Variants in POU6F2 observed in about 807,000 individuals in gnomAD.
The protein encoded by POU6F2 is POU domain, class 6, transcription factor 2.
In POU6F2, 31 loss-of-function variants were observed where a neutral mutation model predicts 71.3. The observed-to-expected ratio is 0.43, with a 90% CI of 0.33 to 0.59. The LOEUF is 0.59. Among genes scored for constraint, POU6F2 ranks in the 20% least tolerant of loss-of-function variants. POU6F2 has a pLI of 0.04. For synonymous variants in POU6F2, 347 were observed against 355.7 expected (o/e 0.98, Z 0.27); for missense variants, 783 against 856.8 (o/e 0.91, Z 1.07).
rs398066804 is a variant in POU6F2, at chr7:39,334,513, T to TAA, written c.599-5118_599-5117dup. Among the ~76,000 whole-genome samples the TAA allele has an allele frequency of 3.5e-3, 509 of 143,890 alleles. 3 individuals are homozygous for TAA. Among genetic ancestry groups the TAA allele is most frequent in the Middle Eastern group, 0.014 (4 of 278 alleles). 94.4% of individuals were successfully genotyped at this position (143,890 alleles called of 152,430 possible). A position where few individuals can be genotyped will look rare whatever the true frequency, so the allele number is the denominator to read the frequency against. On this transcript the variant is annotated intron_variant, in intron 4 of 9. Transcript: ENST00000518318. The stretch of plus-strand genomic sequence containing the variant: ...CTCCTGAATCTAAAATTTGAAAAAT[T>TAA]AAAAAAAAAAAAGAATAAAGGCAGA...
At chr7:39,082,794 GCACACACACACACACACACA>G (rs35710081) in intron 1 of POU6F2, among the ~76,000 whole-genome samples, 7 of 137,076 alleles carry the variant, frequency 5.1e-5, no homozygotes, top group African/African-American at 1.1e-4. Flanking sequence ...ACCATGTCAT[GCACACACACACACACACACA>G]CACACACACA....
chr7:39,425,229 A>G (rs560712579), intron 6 of POU6F2, among the ~76,000 whole-genome samples: 1 of 151,940 alleles, frequency 6.6e-6, no homozygotes, highest in Non-Finnish European at 1.5e-5. Flanking sequence ...ACAGGCAAAC[A>G]TACTAGATTA....
At chr7:39,091,346 C>T (rs1214263042) in intron 2 of POU6F2, among the ~76,000 whole-genome samples, 1 of 152,088 alleles carries the variant, frequency 6.6e-6, no homozygotes, top group Non-Finnish European at 1.5e-5. Flanking sequence ...CAGGCCAGGC[C>T]TCTGTTTAAA....
intron 1 of POU6F2, among the ~76,000 whole-genome samples, chr7:39,026,476 C>G (rs1789803437): frequency 6.6e-6 from 1 of 152,056 alleles, no homozygotes; most frequent in Non-Finnish European, 1.5e-5. Context: ...TGGAAATCAT[C>G]ATTCTCAGTA....
chr7:39,307,690 G>C (rs1053166148), intron 4 of POU6F2, among the ~76,000 whole-genome samples: 1 of 152,150 alleles, frequency 6.6e-6, no homozygotes, highest in Non-Finnish European at 1.5e-5. Context: ...AAAGTTACAA[G>C]ATTTAGACCA....
At chr7:39,196,651 C>T (rs1793792078) in intron 2 of POU6F2, among the ~76,000 whole-genome samples, 2 of 151,818 alleles carry the variant, frequency 1.3e-5, no homozygotes, top group African/African-American at 4.8e-5. Flanking sequence ...TCCAGCTACT[C>T]AGGAGGCTGA....
At chr7:39,150,688 G>T (rs528948508) in intron 2 of POU6F2, among the ~76,000 whole-genome samples, 19 of 151,528 alleles carry the variant, frequency 1.3e-4, no homozygotes, top group Non-Finnish European at 2.5e-4. Context: ...GGCTGGTCTC[G>T]AACTCCTGAC....
chr7:39,166,404 C>T (rs776726453), intron 2 of POU6F2, among the ~76,000 whole-genome samples: 11 of 152,176 alleles, frequency 7.2e-5, no homozygotes, highest in Non-Finnish European at 1.5e-4. Context: ...CTAGTATCTC[C>T]CAACCTTATT....
intron 5 of POU6F2, among the ~76,000 whole-genome samples, chr7:39,349,399 G>C (rs1026079669): frequency 6.6e-6 from 1 of 152,008 alleles, no homozygotes; most frequent in Non-Finnish European, 1.5e-5. Context: ...TGAGAATCAC[G>C]GCCAGGGTGC....
intron 4 of POU6F2, among the ~76,000 whole-genome samples, chr7:39,231,016 T>A (rs1479330756): frequency 1.3e-5 from 2 of 152,280 alleles, no homozygotes; most frequent in East Asian, 3.9e-4. Context: ...GTGGTGCTAC[T>A]GGCATCTAGA....
At chr7:39,330,158 C>T (rs1035743770) in intron 4 of POU6F2, among the ~76,000 whole-genome samples, 1 of 152,196 alleles carries the variant, frequency 6.6e-6, no homozygotes, top group Non-Finnish European at 1.5e-5. Flanking sequence ...TTTCCAAAGA[C>T]TTCCAGTTTA....
intron 2 of POU6F2, chr7:39,132,595 C>G (rs1213465310): frequency 2.0e-5 from 3 of 152,182 alleles, no homozygotes. Flanking sequence ...AACTGTAGCT[C>G]TAAGTGAAAT....
chr7:39,406,528 G>A, intron 5 of POU6F2, 72 bp from the exon 6 acceptor site: 2 of 1,551,414 alleles, frequency 1.3e-6, no homozygotes, highest in Non-Finnish European at 1.7e-6. Context: ...CCTCCCCAGA[G>A]TCAATGTTGT....
intron 5 of POU6F2, among the ~76,000 whole-genome samples, chr7:39,355,876 G>A (rs1485861314): frequency 6.6e-6 from 1 of 152,158 alleles, no homozygotes; most frequent in East Asian, 1.9e-4. Context: ...GAAAGGGAAA[G>A]AGAAACAGTG....
At chr7:39,442,694 C>G (rs1788433100) in intron 7 of POU6F2, among the ~76,000 whole-genome samples, 1 of 152,216 alleles carries the variant, frequency 6.6e-6, no homozygotes, top group East Asian at 1.9e-4. Flanking sequence ...CTAGTTTCAT[C>G]TGGTCCAACT....
chr7:39,076,062 G>C (rs1028637026), intron 1 of POU6F2, among the ~76,000 whole-genome samples: 2 of 152,140 alleles, frequency 1.3e-5, no homozygotes, highest in African/African-American at 2.4e-5. Flanking sequence ...AGCTGGGTGA[G>C]GCCTCGGCTT....
chr7:38,992,231 C>T (rs939970072), intron 1 of POU6F2, among the ~76,000 whole-genome samples: 1 of 152,164 alleles, frequency 6.6e-6, no homozygotes, highest in African/African-American at 2.4e-5. Context: ...GCCTTTGCTC[C>T]ATTTGTTCCC....
In POU6F2 at chr7:39,464,627, G is replaced by A. The variant is rs570192579; in HGVS notation, c.2104G>A (p.Glu702Lys). The A allele has an allele frequency of 6.8e-6, 11 of 1,609,250 alleles. No homozygotes were observed. The highest frequency in any genetic ancestry group is 2.2e-5 in the East Asian group (1 of 44,728). Residue 702 changes from glutamate (E) to lysine (K), a missense_variant, in exon 10 of 10, where the codon GAG becomes AAG. Physicochemically the swap from Glu to Lys is moderately conservative, Grantham distance 56. Transcript: ENST00000518318. This position sits in a 1 kb window ranked among gnomAD's most constrained non-coding sequence, Gnocchi z 4.1. ...KNTIKRLKQH[E>K]PATAVPLEPL... ...CACAATTAAACGCTTAAAACAGCAC[G>A]AGCCGGCCACGGCAGTCCCTTTGGA...
intron 1 of POU6F2, among the ~76,000 whole-genome samples, chr7:39,064,016 G>A (rs898034362): frequency 6.6e-6 from 1 of 151,982 alleles, no homozygotes; most frequent in Non-Finnish European, 1.5e-5. Context: ...ATTGCTAAAA[G>A]ACAGATGAGA....
Sources: allele counts gnomAD v4.1 joint callset (sites outside exome capture counted in the v4.1 genomes callset), GRCh38; gene constraint gnomAD v4.1.1; non-coding constraint Gnocchi (gnomAD v3.1); transcripts MANE v1.5; gene names NCBI Gene and HGNC (gene_info 2026-07-23, HGNC 2026-07-21).